The following MSRA variants were observed in gnomAD, a reference collection of about 807,000 sequenced individuals.
MSRA encodes the protein methionine sulfoxide reductase A, also known as mitochondrial peptide methionine sulfoxide reductase.
MSRA carries 54 observed loss-of-function variants against 31.3 expected under a neutral mutation model. The observed-to-expected ratio is 1.73, with a 90% CI of 1.39 to 2.17. MSRA has a LOEUF of 2.17. Ranked by LOEUF, MSRA falls within the 30% of genes most tolerant of loss-of-function variation. MSRA has a pLI of 0.00. For synonymous variants in MSRA, 169 were observed against 116.5 expected, an observed-to-expected ratio of 1.45 and a Z score of -2.90; for missense variants, 507 against 300.9, an observed-to-expected ratio of 1.69 and a Z score of -5.07.
At chr8:10,058,382 A>C (rs1563381860) in intron 1 of MSRA, among the ~76,000 whole-genome samples, 1 of 152,234 alleles carries the variant, frequency 6.6e-6, no homozygotes, top group East Asian at 1.9e-4. Flanking sequence ...GAAGAATGTT[A>C]GGAGACTACT....
At chr8:10,289,894 C>T (rs963613485) in intron 3 of MSRA, among the ~76,000 whole-genome samples, 2 of 152,106 alleles carry the variant, frequency 1.3e-5, no homozygotes, top group Non-Finnish European at 2.9e-5. Context: ...TCTGCGATGC[C>T]ATGGTTGATC....
intron 5 of MSRA, among the ~76,000 whole-genome samples, chr8:10,328,054 G>GTTT (rs1563356091): frequency 0.035 from 2,059 of 58,622 alleles, 60 homozygotes; most frequent in Non-Finnish European, 0.037. Flanking sequence ...TTTTTTTTTA[G>GTTT]TATCAGTGAC....
intron 1 of MSRA, among the ~76,000 whole-genome samples, chr8:10,165,326 G>A (rs575472887): frequency 2.0e-5 from 3 of 152,050 alleles, no homozygotes; most frequent in South Asian, 2.1e-4. Context: ...TCTGGCTTAA[G>A]TGCTTCTATT....
In MSRA at chr8:10,428,257, G is replaced by GGGGT. The variant is rs1190423620; in HGVS notation, c.653_654insGGGT (p.Tyr219GlyfsTer17). On this transcript the variant is annotated frameshift_variant, in exon 6 of 6. Coordinates refer to ENST00000317173, the MANE Select transcript of MSRA (RefSeq NM_012331.5). LOFTEE classifies it high-confidence loss of function. ...CAGTACCTGAGCAAGAACCCCAATG[G>GGGGT]CTACTGCGGCCTTGGGGGCACCGGC... is the stretch of plus-strand genomic sequence containing the variant. 9.9e-6 allele frequency: 16 copies of GGGGT among 1,614,038 alleles called. No homozygotes were observed. Among genetic ancestry groups the GGGGT allele is most frequent in the Non-Finnish European group, 1.3e-5 (15 of 1,180,036 alleles).
intron 1 of MSRA, among the ~76,000 whole-genome samples, chr8:10,200,765 A>T (rs548081049): frequency 6.6e-6 from 1 of 152,278 alleles, no homozygotes; most frequent in Non-Finnish European, 1.5e-5. Flanking sequence ...ACATTGTAGG[A>T]GCTGTGAGGG....
intron 2 of MSRA, among the ~76,000 whole-genome samples, chr8:10,218,154 T>TTATG (rs1210586963): frequency 6.9e-6 from 1 of 145,428 alleles, no homozygotes; most frequent in Non-Finnish European, 1.5e-5. Context: ...ATTTATTTAT[T>TTATG]TATTTATTTT....
In MSRA at chr8:10,332,885, G is replaced by C. The variant is rs895841149; in HGVS notation, c.543+12896G>C. ...TTGGGCCAAATGGAAAATCTGGTTT[G>C]TATGACTGCCCTCTGCTGGCTGTAG... On this transcript the variant is annotated intron_variant, in intron 5 of 5. Transcript: ENST00000317173. Among the ~76,000 whole-genome samples, 8 of 152,240 alleles carry C rather than the reference G, an allele frequency of 5.3e-5. No individual in the cohort carries two copies. In the South Asian group the frequency reaches 1.4e-3, roughly 28 times the overall value.
rs141419518 is a variant in MSRA at position 10,156,074 on chromosome 8, T to G, written c.143-51759T>G. Among the ~76,000 whole-genome samples, 1,303 of 152,220 alleles carry G rather than the reference T, an allele frequency of 8.6e-3. 10 individuals are homozygous for G. Among genetic ancestry groups the G allele is most frequent in the Non-Finnish European group, 0.012 (846 of 68,018 alleles). Reference sequence around the variant, plus strand: ...GCGGTAGGAGGATACCTGAAGCCCCTGGGAAGAGTGGCTTCGATGCTGCCA... The same window carrying G: ...GCGGTAGGAGGATACCTGAAGCCCCGGGGAAGAGTGGCTTCGATGCTGCCA... On this transcript the variant is annotated intron_variant, in intron 1 of 5. Transcript: ENST00000317173.
chr8:10,296,086 A>G (rs1261970000), intron 3 of MSRA, among the ~76,000 whole-genome samples: 2 of 152,188 alleles, frequency 1.3e-5, no homozygotes, highest in Non-Finnish European at 2.9e-5. Context: ...TCATCAAAAG[A>G]GTGAGAATCT....
chr8:10,299,627 T>G (rs958413130), intron 3 of MSRA, among the ~76,000 whole-genome samples: 1 of 152,084 alleles, frequency 6.6e-6, no homozygotes, highest in African/African-American at 2.4e-5. Context: ...GAAATTAAAA[T>G]TGCTAATAAC....
intron 1 of MSRA, among the ~76,000 whole-genome samples, chr8:10,171,157 T>A (rs1212730506): frequency 6.6e-6 from 1 of 152,222 alleles, no homozygotes; most frequent in Admixed American, 6.5e-5. Flanking sequence ...AACATTTTGC[T>A]GAATGGTAGA....
intron 5 of MSRA, among the ~76,000 whole-genome samples, chr8:10,370,320 A>G (rs1265063776): frequency 6.6e-6 from 1 of 152,226 alleles, no homozygotes; most frequent in African/African-American, 2.4e-5. Context: ...TCCCACTACC[A>G]GAGTACTGCT....
chr8:10,095,468 T>G (rs1741241841), intron 1 of MSRA: 6 of 985,418 alleles, frequency 6.1e-6, no homozygotes, highest in Non-Finnish European at 7.2e-6. Flanking sequence ...AAAGGACATC[T>G]TTTGGAGACA....
intron 3 of MSRA, among the ~76,000 whole-genome samples, chr8:10,280,781 G>C (rs545615561): frequency 1.3e-5 from 2 of 152,234 alleles, no homozygotes; most frequent in Non-Finnish European, 2.9e-5. Context: ...CAACCCAAAC[G>C]CGCATCAGCG....
chr8:10,203,728 C>G (rs1450090066), intron 1 of MSRA, among the ~76,000 whole-genome samples: 1 of 152,110 alleles, frequency 6.6e-6, no homozygotes, highest in Non-Finnish European at 1.5e-5. Context: ...GAGTGTGCTC[C>G]TGCAGTTATA....
Position 10,297,162 on chromosome 8 carries a change from C to T in MSRA, c.332-4372C>T, listed in dbSNP as rs930721906. 5.8e-4 allele frequency among the ~76,000 whole-genome samples: 88 copies of T among 152,094 alleles called. 1 individual carries two copies. Among genetic ancestry groups the T allele is most frequent in the Non-Finnish European group, 1.5e-5 (1 of 68,020 alleles). On this transcript the variant is annotated intron_variant, in intron 3 of 5. Transcript: ENST00000317173. ...AGATGACCCCAGAATGCCTGATTTT[C>T]CTGGCCCCAGGTCATGCTTGTATGT...
At chr8:10,384,739 G>T (rs1365576351) in intron 5 of MSRA, among the ~76,000 whole-genome samples, 3 of 152,174 alleles carry the variant, frequency 2.0e-5, no homozygotes, top group Admixed American at 2.0e-4. Flanking sequence ...CAGGCATGGT[G>T]GTTCATGCCT....
chr8:10,192,844 C>A (rs903747572), intron 1 of MSRA, among the ~76,000 whole-genome samples: 2 of 146,750 alleles, frequency 1.4e-5, no homozygotes, highest in Non-Finnish European at 3.0e-5. Flanking sequence ...GGCAAGTTTA[C>A]CACCGTTTAT....
chr8:10,186,553 C>G (rs1228792896), intron 1 of MSRA, among the ~76,000 whole-genome samples: 1 of 152,230 alleles, frequency 6.6e-6, no homozygotes, highest in African/African-American at 2.4e-5. Flanking sequence ...ATATGGGTAG[C>G]TGGCCATGGT....
Sources: allele counts gnomAD v4.1 joint callset (sites outside exome capture counted in the v4.1 genomes callset), GRCh38; gene constraint gnomAD v4.1.1; transcripts MANE v1.5; gene names NCBI Gene and HGNC (gene_info 2026-07-23, HGNC 2026-07-21).